The following DNAH11 variants were observed in gnomAD, a reference collection of about 807,000 sequenced individuals.
DNAH11 encodes the protein dynein axonemal heavy chain 11.
Under a neutral mutation model 526.0 loss-of-function variants are expected in DNAH11, and 442 were observed. The observed-to-expected ratio is 0.84, with a 90% CI of 0.78 to 0.91. The LOEUF is 0.91. DNAH11 is among the 40% of genes least tolerant of loss of function. DNAH11 has a pLI of 0.00. For synonymous variants in DNAH11, 2,461 were observed against 1,935.9 expected (o/e 1.27, Z -7.12); for missense variants, 6,989 against 5,448.7 (o/e 1.28, Z -8.90).
intron 24 of DNAH11, 105 bp from the exon 25 acceptor site, chr7:21,619,851 T>A: frequency 3.7e-6 from 4 of 1,072,552 alleles, no homozygotes; most frequent in Admixed American, 5.2e-5. Context: ...ATACTTGATA[T>A]CAGTTTGCAT....
intron 52 of DNAH11, 71 bp from the exon 53 acceptor site, chr7:21,749,607 G>A: frequency 1.3e-6 from 2 of 1,587,658 alleles, no homozygotes; most frequent in Admixed American, 3.4e-5. Flanking sequence ...GTTCTCCCCA[G>A]CACTCACACA....
chr7:21,729,698 A>T (rs77330412), intron 45 of DNAH11, among the ~76,000 whole-genome samples: 1 of 66,720 alleles, frequency 1.5e-5, no homozygotes, highest in Non-Finnish European at 3.7e-5. Context: ...GCCAGTGTCA[A>T]GTAACACTGA....
chr7:21,807,251 C>A (rs1319405881), intron 62 of DNAH11, among the ~76,000 whole-genome samples: 1 of 152,154 alleles, frequency 6.6e-6, no homozygotes, highest in East Asian at 1.9e-4. Context: ...GTAATCCCAG[C>A]ACTTTAGAAG....
chr7:21,768,934 G>T (rs1391996340), intron 55 of DNAH11, among the ~76,000 whole-genome samples: 1 of 151,904 alleles, frequency 6.6e-6, no homozygotes, highest in Non-Finnish European at 1.5e-5. Context: ...ATAAATTAGG[G>T]TATACATATG....
intron 23 of DNAH11, 97 bp downstream of exon 23, chr7:21,617,874 AC>A (rs1005005500): frequency 6.2e-6 from 8 of 1,287,262 alleles, no homozygotes; most frequent in African/African-American, 6.0e-5. Flanking sequence ...TTATGAAAAG[AC>A]CCCCCTCAGC....
chr7:21,899,401 C>A lies in DNAH11; in HGVS notation c.13115C>A (p.Ala4372Asp). The change falls in exon 80 of 82, where the codon GCT becomes GAT. Residue 4372 changes from alanine to aspartate, a missense_variant. By Grantham distance (126) the Ala-to-Asp change is moderately radical (BLOSUM62 -2). Transcript: ENST00000409508. The part of the protein sequence containing the change: ...DTWTQDLTLP[A>D]VVWLSGFFNP... ...TGGACACAAGACCTTACCCTTCCGG[C>A]TGTCGTGTGGCTCTCCGGCTTCTTC... The A allele has an allele frequency of 2.5e-6, 4 of 1,614,020 alleles. No individual in the cohort carries two copies. Among genetic ancestry groups the A allele is most frequent in the East Asian group, 2.2e-5 (1 of 44,880 alleles).
At chr7:21,683,299 A>G (rs568501483) in intron 31 of DNAH11, among the ~76,000 whole-genome samples, 1 of 152,344 alleles carries the variant, frequency 6.6e-6, no homozygotes, top group South Asian at 2.1e-4. Context: ...AAGAACAGCA[A>G]TGAAAAATAC....
At chr7:21,657,295 C>T (rs1782054051) in intron 29 of DNAH11, among the ~76,000 whole-genome samples, 1 of 152,096 alleles carries the variant, frequency 6.6e-6, no homozygotes. Context: ...TTGGGGAGTT[C>T]CGAAATGGCC....
chr7:21,573,409 C>G (rs1295052300), intron 8 of DNAH11, among the ~76,000 whole-genome samples: 1 of 152,156 alleles, frequency 6.6e-6, no homozygotes, highest in Non-Finnish European at 1.5e-5. Flanking sequence ...GCCTTAGAAT[C>G]TAGAAGCTCC....
chr7:21,741,884 A>G (rs774154532), intron 48 of DNAH11, 43 bp from the exon 49 acceptor site: 7 of 1,597,820 alleles, frequency 4.4e-6, no homozygotes, highest in East Asian at 2.2e-5. Flanking sequence ...ATTTTCTGGT[A>G]CAATTGTAAT....
intron 42 of DNAH11, among the ~76,000 whole-genome samples, chr7:21,717,117 G>T (rs1784694288): frequency 6.6e-6 from 1 of 152,024 alleles, no homozygotes; most frequent in Non-Finnish European, 1.5e-5. Context: ...ACTAAGTCAT[G>T]CTTTGTTTTA....
Position 21,578,624 on chromosome 7 carries a change from T to G in DNAH11, c.1594-3281T>G, listed in dbSNP as rs770570833. Reference sequence around the variant, plus strand: ...GTAGTACCCCAGTGGGGACTCTGTGTGGGGGCTCCAACCCCACACTGCCCT... The same window carrying G: ...GTAGTACCCCAGTGGGGACTCTGTGGGGGGGCTCCAACCCCACACTGCCCT... On this transcript the variant is annotated intron_variant, in intron 8 of 81. Coordinates refer to ENST00000409508, the MANE Select transcript of DNAH11 (RefSeq NM_001277115.2). Among the ~76,000 whole-genome samples the G allele has an allele frequency of 7.0e-4, 106 of 152,302 alleles. 1 individual carries two copies. Among genetic ancestry groups the G allele is most frequent in the Non-Finnish European group, 1.2e-3 (85 of 68,016 alleles).
chr7:21,752,195 C>T (rs1241637014), intron 54 of DNAH11, among the ~76,000 whole-genome samples: 1 of 152,214 alleles, frequency 6.6e-6, no homozygotes, highest in African/African-American at 2.4e-5. Flanking sequence ...ATCTTTCATG[C>T]TCAACTTTGC....
intron 60 of DNAH11, among the ~76,000 whole-genome samples, chr7:21,788,984 A>G (rs1405372817): frequency 6.6e-6 from 1 of 152,136 alleles, no homozygotes; most frequent in Non-Finnish European, 1.5e-5. Flanking sequence ...GCCTTTAGGT[A>G]TTACCATGTC....
chr7:21,580,217 A>C (rs1225656038), intron 8 of DNAH11, among the ~76,000 whole-genome samples: 1 of 152,120 alleles, frequency 6.6e-6, no homozygotes. Flanking sequence ...TTTATTTCTA[A>C]ATGTTCAGTT....
chr7:21,633,430 A>G (rs1786712895), intron 25 of DNAH11, among the ~76,000 whole-genome samples: 2 of 152,142 alleles, frequency 1.3e-5, no homozygotes, highest in African/African-American at 4.8e-5. Context: ...CTATTACTGT[A>G]TTGCAGTCTA....
At chr7:21,577,633 G>C (rs981930970) in intron 8 of DNAH11, among the ~76,000 whole-genome samples, 1 of 152,170 alleles carries the variant, frequency 6.6e-6, no homozygotes, top group Non-Finnish European at 1.5e-5. Flanking sequence ...GTAACAAGGA[G>C]CCCCGCCCAC....
intron 65 of DNAH11, among the ~76,000 whole-genome samples, chr7:21,822,867 C>T (rs1395390690): frequency 6.6e-6 from 1 of 151,084 alleles, no homozygotes; most frequent in African/African-American, 2.4e-5. Flanking sequence ...TAATGTTGGG[C>T]ACATTTCATA....
intron 65 of DNAH11, among the ~76,000 whole-genome samples, chr7:21,828,836 T>G (rs1320060163): frequency 4.6e-5 from 7 of 151,630 alleles, no homozygotes; most frequent in Non-Finnish European, 8.8e-5. Context: ...TGTTGTTGTT[T>G]AATTCTGGTT....
Sources: allele counts gnomAD v4.1 joint callset (sites outside exome capture counted in the v4.1 genomes callset), GRCh38; gene constraint gnomAD v4.1.1; transcripts MANE v1.5; gene names NCBI Gene and HGNC (gene_info 2026-07-23, HGNC 2026-07-21).